Variants in RASSF6 observed in about 807,000 individuals in gnomAD.
RASSF6 encodes ras association domain-containing protein 6.
In RASSF6, 52 loss-of-function variants were observed where a neutral mutation model predicts 44.0. The ratio of observed to expected loss-of-function variants is 1.18; its 90% CI spans 0.95 to 1.49. RASSF6 has a LOEUF of 1.49. Ranked by LOEUF, RASSF6 falls within the 40% of genes most tolerant of loss-of-function variation. The probability of loss-of-function intolerance (pLI) is 0.00; values close to 1 mark genes in which losing one functional copy is unlikely to be tolerated. For missense variants in RASSF6, 464 were observed against 393.3 expected, an observed-to-expected ratio of 1.18 and a Z score of -1.52; for synonymous variants, 162 against 124.6, an observed-to-expected ratio of 1.30 and a Z score of -2.00.
intron 2 of RASSF6, among the ~76,000 whole-genome samples, chr4:73,598,987 C>T (rs1218259521): frequency 2.0e-5 from 3 of 152,286 alleles, no homozygotes; most frequent in South Asian, 2.1e-4. Context: ...TAGCAGGAGG[C>T]AGCCACGAAA....
chr4:73,611,712 A>G lies in RASSF6; in HGVS notation c.65+19T>C, dbSNP rs781633513. 6.6e-6 allele frequency: 10 copies of G among 1,505,194 alleles called. No individual in the cohort carries two copies. The highest frequency in any genetic ancestry group is 1.4e-5 in the African/African-American group (1 of 72,634). 93.2% of individuals were successfully genotyped at this position (1,505,194 alleles called of 1,614,324 possible). ...TGACTGGTGAGTAGGACAATGTATA[A>G]TATAAGGTGTGTGGTTACCTGGTTA... On this transcript the variant is annotated intron_variant, in intron 2 of 10. Coordinates refer to ENST00000307439, the MANE Select transcript of RASSF6 (RefSeq NM_177532.5).
intron 4 of RASSF6, among the ~76,000 whole-genome samples, chr4:73,590,987 C>T (rs971646395): frequency 1.3e-5 from 2 of 152,144 alleles, no homozygotes; most frequent in African/African-American, 2.4e-5. Flanking sequence ...TATGGAGAGG[C>T]ATATTACCTT....
intron 8 of RASSF6, among the ~76,000 whole-genome samples, chr4:73,577,484 C>T (rs1407250117): frequency 1.3e-5 from 2 of 152,170 alleles, no homozygotes; most frequent in East Asian, 3.8e-4. Flanking sequence ...CTCTCCTTCA[C>T]CTTGCTTACT....
rs1250995453 is a variant in RASSF6, at chr4:73,591,438, G to A, written c.287+2013C>T. ...TTAAAAAATTAAAATGCATCAAATAGATGTGACTGCTCAGAGAATTTTGCA... is the reference window on the plus strand; with the variant it reads ...TTAAAAAATTAAAATGCATCAAATAAATGTGACTGCTCAGAGAATTTTGCA... On this transcript the variant is annotated intron_variant, in intron 4 of 10. Coordinates refer to ENST00000307439, the MANE Select transcript of RASSF6 (RefSeq NM_177532.5). Among the ~76,000 whole-genome samples the A allele has an allele frequency of 3.9e-5, 6 of 152,252 alleles. No homozygotes were observed. In the East Asian group the frequency reaches 1.2e-3, roughly 29 times the overall value.
chr4:73,598,677 TA>T lies in RASSF6; in HGVS notation c.106del (p.Tyr36MetfsTer19). On this transcript the variant is annotated frameshift_variant, in exon 3 of 11. Coordinates refer to ENST00000307439, the MANE Select transcript of RASSF6 (RefSeq NM_177532.5). LOFTEE classifies it high-confidence loss of function. The stretch of plus-strand genomic sequence containing the variant: ...AATATGCAGATTTTTCTGGTTCTCA[TA>T]AAAAATGTTATAGGTCTTCAATAAA... ...NSLLKTYNIF[Y>X]ENQKNLHILY... The T allele has an allele frequency of 5.2e-6, 8 of 1,525,740 alleles. No individual in the cohort carries two copies. Among genetic ancestry groups the T allele is most frequent in the Admixed American group, 2.0e-5 (1 of 49,182 alleles). The allele number at this position is 1,525,740 out of a possible 1,614,324, so 94.5% of individuals were successfully genotyped here. A position where few individuals can be genotyped will look rare whatever the true frequency, so the allele number is the denominator to read the frequency against.
In RASSF6 at chr4:73,576,511, A is replaced by T. The variant is rs187214996; in HGVS notation, c.841-4T>A. 3.5e-5 allele frequency: 54 copies of T among 1,561,130 alleles called. No individual in the cohort carries two copies. In the East Asian group the frequency reaches 1.1e-3, roughly 31 times the overall value. ...GAAAGTTAATGTACTGAGCCACCTA[A>T]GAAAGAAGAAGAAGAAAAAAAAAAG... On this transcript the variant is annotated splice_polypyrimidine_tract_variant and splice_region_variant and intron_variant, in intron 9 of 10. Coordinates refer to ENST00000307439, the MANE Select transcript of RASSF6 (RefSeq NM_177532.5).
Position 73,602,463 on chromosome 4 carries a change from G to A in RASSF6, c.66-3745C>T, listed in dbSNP as rs190135849. ...CTATAATAATTACAGGCATTGTATGGTTTAGAAGAACCAAAGGCAATCACT... is the reference window on the plus strand; with the variant it reads ...CTATAATAATTACAGGCATTGTATGATTTAGAAGAACCAAAGGCAATCACT... On this transcript the variant is annotated intron_variant, in intron 2 of 10. Coordinates refer to ENST00000307439, the MANE Select transcript of RASSF6 (RefSeq NM_177532.5). 2.6e-3 allele frequency among the ~76,000 whole-genome samples: 392 copies of A among 152,320 alleles called. 2 individuals carry two copies. The highest frequency in any genetic ancestry group is 9.1e-3 in the African/African-American group (377 of 41,568).
chr4:73,593,649 A>G (rs1212879047), intron 3 of RASSF6, 56 bp from the exon 4 acceptor site: 1 of 1,389,068 alleles, frequency 7.2e-7, no homozygotes, highest in Non-Finnish European at 9.7e-7. Context: ...TAGACGGTAA[A>G]TGTTTTAACG....
chr4:73,587,853 C>A lies in RASSF6; in HGVS notation c.369G>T (p.Arg123Ser), dbSNP rs573979075. The part of the protein sequence containing the change: ...DRTQIPMSEK[R>S]NSQEDYLSYH... ...TTTGATACTGACCTTCCTGGGAATT[C>A]CTTTTTTCAGACATAGGAATCTGGG... The change falls in exon 5 of 11, where the codon AGG becomes AGT. Residue 123 changes from arginine (R) to serine (S), a missense_variant. Transcript: ENST00000307439. The A allele has an allele frequency of 1.1e-5, 17 of 1,607,104 alleles. No individual in the cohort carries two copies. Among genetic ancestry groups the A allele is most frequent in the Admixed American group, 8.4e-5 (5 of 59,820 alleles).
intron 2 of RASSF6, among the ~76,000 whole-genome samples, chr4:73,610,120 C>T (rs1266587393): frequency 6.6e-6 from 1 of 152,150 alleles, no homozygotes; most frequent in Non-Finnish European, 1.5e-5. Flanking sequence ...GCTCCTGCTT[C>T]TCCTCATGAT....
chr4:73,617,186 T>C (rs1726418701), intron 1 of RASSF6, among the ~76,000 whole-genome samples: 1 of 152,210 alleles, frequency 6.6e-6, no homozygotes. Flanking sequence ...AAGAGAGGAC[T>C]AAGCAGAATA....
chr4:73,613,648 G>T (rs972250936), intron 1 of RASSF6, among the ~76,000 whole-genome samples: 1 of 152,062 alleles, frequency 6.6e-6, no homozygotes. Flanking sequence ...TTGCCAAAGA[G>T]TTCACTTCTC....
intron 5 of RASSF6, 48 bp from the exon 6 acceptor site, chr4:73,585,412 T>G: frequency 7.6e-7 from 1 of 1,317,960 alleles, no homozygotes; most frequent in Non-Finnish European, 1.0e-6. Flanking sequence ...GCCTGTGTCC[T>G]AGCATCCTGA....
intron 4 of RASSF6, among the ~76,000 whole-genome samples, chr4:73,592,259 A>C (rs1269217576): frequency 6.6e-6 from 1 of 152,220 alleles, no homozygotes; most frequent in Non-Finnish European, 1.5e-5. Flanking sequence ...GGAAAAGCAG[A>C]CTTCTGTCAA....
chr4:73,592,319 T>C (rs1215976132), intron 4 of RASSF6, among the ~76,000 whole-genome samples: 2 of 152,204 alleles, frequency 1.3e-5, no homozygotes, highest in Non-Finnish European at 2.9e-5. Context: ...ATTGGGCAAA[T>C]TGTCCTGGCA....
chr4:73,593,682 A>G (rs2149381095), intron 3 of RASSF6, 89 bp from the exon 4 acceptor site: 1 of 1,282,450 alleles, frequency 7.8e-7, no homozygotes, highest in South Asian at 1.3e-5. Flanking sequence ...TTAAGTGCGT[A>G]AGAAACCTAA....
chr4:73,612,295 G>A (rs888133444), intron 1 of RASSF6, among the ~76,000 whole-genome samples: 8 of 152,070 alleles, frequency 5.3e-5, no homozygotes, highest in Non-Finnish European at 1.2e-4. Context: ...GGTCAGATGT[G>A]AATAATCTCC....
intron 3 of RASSF6, among the ~76,000 whole-genome samples, chr4:73,597,152 C>T (rs994929806): frequency 2.0e-5 from 3 of 152,126 alleles, no homozygotes; most frequent in South Asian, 2.1e-4. Flanking sequence ...AGCTTCTGTA[C>T]AGCAAAAGAA....
chr4:73,607,533 C>T (rs1725723305), intron 2 of RASSF6, among the ~76,000 whole-genome samples: 1 of 152,146 alleles, frequency 6.6e-6, no homozygotes. Flanking sequence ...GGGCTTTGTT[C>T]TTTCATAGAA....
Sources: allele counts gnomAD v4.1 joint callset (sites outside exome capture counted in the v4.1 genomes callset), GRCh38; gene constraint gnomAD v4.1.1; transcripts MANE v1.5; gene names NCBI Gene and HGNC (gene_info 2026-07-23, HGNC 2026-07-21).